Variants in CCDC141 observed in about 807,000 individuals in gnomAD.
CCDC141 encodes the protein coiled-coil domain-containing protein 141.
Under a neutral mutation model 181.0 loss-of-function variants are expected in CCDC141, and 168 were observed. That is an observed-to-expected ratio of 0.93 (90% confidence interval 0.82 to 1.05). CCDC141 has a LOEUF of 1.05. Among genes scored for constraint, CCDC141 ranks in the 50% least tolerant of loss-of-function variants. The pLI is 0.00. For missense variants in CCDC141, 1,902 were observed against 1,788.5 expected (o/e 1.06, Z -1.14); for synonymous variants, 666 against 642.3 (o/e 1.04, Z -0.56).
At chr2:179,028,636 T>A (rs2042921390) in intron 2 of CCDC141, among the ~76,000 whole-genome samples, 1 of 152,204 alleles carries the variant, frequency 6.6e-6, no homozygotes, top group Admixed American at 6.5e-5. Flanking sequence ...GATTTAAGGT[T>A]TGGGATTATC....
At chr2:178,863,810 A>C (rs1685721453) in intron 17 of CCDC141, among the ~76,000 whole-genome samples, 2 of 152,230 alleles carry the variant, frequency 1.3e-5, no homozygotes, top group African/African-American at 2.4e-5. Context: ...TGGGAAGAAT[A>C]TCTCTCTTAA....
At chr2:178,961,765 G>A (rs1690413286) in intron 4 of CCDC141, among the ~76,000 whole-genome samples, 1 of 152,162 alleles carries the variant, frequency 6.6e-6, no homozygotes, top group Non-Finnish European at 1.5e-5. Flanking sequence ...GAATGAGCGT[G>A]GGATTTTGAC....
At chr2:178,977,439 T>G (rs1357655684) in intron 3 of CCDC141, among the ~76,000 whole-genome samples, 1 of 152,206 alleles carries the variant, frequency 6.6e-6, no homozygotes, top group Non-Finnish European at 1.5e-5. Flanking sequence ...TAGGTGTATT[T>G]CAGCTGTTTC....
At chr2:178,921,258 C>A (rs924660657) in intron 6 of CCDC141, among the ~76,000 whole-genome samples, 1 of 152,224 alleles carries the variant, frequency 6.6e-6, no homozygotes, top group Admixed American at 6.5e-5. Flanking sequence ...ACTTTTATTA[C>A]CGTTACCACT....
intron 2 of CCDC141, among the ~76,000 whole-genome samples, chr2:178,983,178 C>A (rs1251571434): frequency 6.6e-6 from 1 of 152,328 alleles, no homozygotes; most frequent in East Asian, 1.9e-4. Flanking sequence ...ACCAGCCTAA[C>A]TGGGAGGCAC....
At chr2:179,019,954 C>T (rs1050080008) in intron 2 of CCDC141, among the ~76,000 whole-genome samples, 3 of 151,896 alleles carry the variant, frequency 2.0e-5, no homozygotes, top group African/African-American at 4.8e-5. Context: ...CAGAGTTTCA[C>T]CATGTTGCCC....
intron 6 of CCDC141, among the ~76,000 whole-genome samples, chr2:178,927,390 A>G (rs1375177315): frequency 1.3e-5 from 2 of 152,090 alleles, no homozygotes; most frequent in Non-Finnish European, 2.9e-5. Context: ...GCTTTGGGGT[A>G]TCTGAGAAGC....
chr2:178,963,234 TG>T (rs1283030738), intron 4 of CCDC141, among the ~76,000 whole-genome samples: 1 of 152,084 alleles, frequency 6.6e-6, no homozygotes, highest in Non-Finnish European at 1.5e-5. Flanking sequence ...TTTTGGGTTT[TG>T]TGATGGAAAC....
At chr2:178,823,015 C>T in the CCDC141 span, among the ~76,000 whole-genome samples, 1 of 152,068 alleles carries the variant, frequency 6.6e-6, no homozygotes, top group African/African-American at 2.4e-5. Flanking sequence ...CATGTGTCCA[C>T]ATATGAAAAG....
rs769547815 is a variant in CCDC141, at chr2:178,978,614, T to C, written c.287A>G (p.Lys96Arg). The C allele has an allele frequency of 6.5e-7, 1 of 1,549,718 alleles. No homozygotes were observed. Among genetic ancestry groups the C allele is most frequent in the Non-Finnish European group, 8.7e-7 (1 of 1,146,586 alleles). Residue 96 changes from lysine (K) to arginine (R), a missense_variant, in exon 3 of 24, where the codon AAG (lysine) becomes AGG (arginine). By Grantham distance (26) the Lys-to-Arg change is conservative. Coordinates refer to ENST00000443758, the MANE Select transcript of CCDC141 (RefSeq NM_173648.4). ...QEADKTAEEN[K>R]DQSQVYDAMA... is the part of the protein sequence containing the mutation. Reference sequence around the variant, plus strand: ...GGCATCATAGACCTGACTCTGATCCTTGTTCTCTTCAGCTGTCTTGTCTGC... The same window carrying C: ...GGCATCATAGACCTGACTCTGATCCCTGTTCTCTTCAGCTGTCTTGTCTGC...
chr2:178,856,139 C>T, intron 18 of CCDC141, 118 bp downstream of exon 18: 1 of 815,700 alleles, frequency 1.2e-6, no homozygotes, highest in South Asian at 3.0e-5. Flanking sequence ...CCTTTGAGTC[C>T]CAATGCTACA....
chr2:179,046,260 G>T (rs112710425), intron 2 of CCDC141, among the ~76,000 whole-genome samples: 160 of 152,338 alleles, frequency 1.1e-3, no homozygotes, highest in Non-Finnish European at 2.0e-3. Flanking sequence ...TCCCTCAGAG[G>T]TTCCTCAGAA....
chr2:179,043,341 G>A (rs1268430147), intron 2 of CCDC141, among the ~76,000 whole-genome samples: 1 of 152,048 alleles, frequency 6.6e-6, no homozygotes, highest in African/African-American at 2.4e-5. Flanking sequence ...CAAAAATTGA[G>A]GAGGAGGGAC....
chr2:179,039,803 T>C (rs1004370058), intron 2 of CCDC141, among the ~76,000 whole-genome samples: 1 of 152,220 alleles, frequency 6.6e-6, no homozygotes, highest in Admixed American at 6.5e-5. Context: ...CAGGTTAAGT[T>C]TGTGCCTATC....
intron 2 of CCDC141, among the ~76,000 whole-genome samples, chr2:178,986,766 T>G (rs1333823440): frequency 1.3e-5 from 2 of 151,936 alleles, no homozygotes; most frequent in African/African-American, 4.8e-5. Flanking sequence ...ACAAGGGATG[T>G]GAAGGACCTC....
intron 4 of CCDC141, among the ~76,000 whole-genome samples, chr2:178,969,752 A>T (rs576666057): frequency 1.3e-5 from 2 of 152,216 alleles, no homozygotes; most frequent in African/African-American, 2.4e-5. Context: ...CCTATTCAAC[A>T]TAGTATTGGA....
At chr2:178,890,686 T>A (rs1392508853) in intron 8 of CCDC141, among the ~76,000 whole-genome samples, 2 of 152,132 alleles carry the variant, frequency 1.3e-5, no homozygotes, top group Non-Finnish European at 2.9e-5. Context: ...TACTTTGTCT[T>A]AATTATGTTG....
intron 2 of CCDC141, among the ~76,000 whole-genome samples, 158 bp from the exon 3 acceptor site, chr2:178,978,833 G>A (rs1409103800): frequency 6.6e-6 from 1 of 152,190 alleles, no homozygotes; most frequent in African/African-American, 2.4e-5. Flanking sequence ...AAACAGGAAG[G>A]AAGGAGCGAT....
chr2:178,945,189 C>T (rs549542774), intron 5 of CCDC141, among the ~76,000 whole-genome samples: 2 of 152,220 alleles, frequency 1.3e-5, no homozygotes, highest in African/African-American at 4.8e-5. Context: ...ATGCCATATA[C>T]AGTGCTGAAA....
Sources: allele counts gnomAD v4.1 joint callset (sites outside exome capture counted in the v4.1 genomes callset), GRCh38; gene constraint gnomAD v4.1.1; transcripts MANE v1.5; gene names NCBI Gene and HGNC (gene_info 2026-07-23, HGNC 2026-07-21).